EXOC4: variants seen among roughly 807,000 people sequenced by gnomAD.
The protein encoded by EXOC4 is exocyst complex component 4, also known as SEC8-like 1.
EXOC4 carries 71 observed loss-of-function variants against 107.2 expected under a neutral mutation model. The ratio of observed to expected loss-of-function variants is 0.66; its 90% CI spans 0.55 to 0.81. EXOC4 has a LOEUF of 0.81. EXOC4 is among the 30% of genes least tolerant of loss of function. EXOC4 has a pLI of 0.00. For missense variants in EXOC4, 1,108 were observed against 1,189.6 expected, an observed-to-expected ratio of 0.93 and a Z score of 1.01; for synonymous variants, 456 against 441.2, an observed-to-expected ratio of 1.03 and a Z score of -0.42.
rs67720946 is a variant in EXOC4, at chr7:133,941,821, T to TTCTCTC, written c.2206+3777_2206+3782dup. The stretch of plus-strand genomic sequence containing the variant: ...GTCAGGTCCCAGGCATGCTTACAGA[T>TTCTCTC]TCTCTCTCTCTCTCTCTCTCTCTCT... On this transcript the variant is annotated intron_variant, in intron 14 of 17. Coordinates refer to ENST00000253861, the MANE Select transcript of EXOC4 (RefSeq NM_021807.4). Among the ~76,000 whole-genome samples the TTCTCTC allele has an allele frequency of 6.0e-3, 779 of 129,606 alleles. 20 individuals carry two copies. Among genetic ancestry groups the TTCTCTC allele is most frequent in the African/African-American group, 0.013 (458 of 36,108 alleles). The allele number at this position is 129,606 out of a possible 152,430, so 85.0% of individuals were successfully genotyped here.
At chr7:133,276,205 T>G (rs925312076) in intron 2 of EXOC4, among the ~76,000 whole-genome samples, 1 of 152,232 alleles carries the variant, frequency 6.6e-6, no homozygotes, top group African/African-American at 2.4e-5. Flanking sequence ...AAACTCTTGG[T>G]TCTTGGGTCT....
chr7:134,006,105 T>C (rs917749970), intron 16 of EXOC4, among the ~76,000 whole-genome samples: 22 of 152,204 alleles, frequency 1.4e-4, no homozygotes, highest in Admixed American at 1.3e-3. Context: ...TTTTCTGTTA[T>C]TACACCGAGT....
intron 9 of EXOC4, among the ~76,000 whole-genome samples, chr7:133,585,368 C>G (rs906746025): frequency 6.6e-6 from 1 of 152,104 alleles, no homozygotes; most frequent in Non-Finnish European, 1.5e-5. Context: ...ATCTCGGTCC[C>G]TTTTGTGCAC....
intron 3 of EXOC4, among the ~76,000 whole-genome samples, chr7:133,294,964 A>G (rs1005850183): frequency 2.0e-5 from 3 of 152,136 alleles, no homozygotes; most frequent in Non-Finnish European, 4.4e-5. Context: ...GGAGTTAAGA[A>G]TAATATGTAT....
intron 5 of EXOC4, among the ~76,000 whole-genome samples, chr7:133,338,509 C>T (rs1158046488): frequency 1.4e-5 from 2 of 139,510 alleles, no homozygotes; most frequent in Admixed American, 7.8e-5. Flanking sequence ...AGGAGAATGG[C>T]GTGAACCCGG....
At chr7:133,526,812 A>G (rs932476381) in intron 9 of EXOC4, among the ~76,000 whole-genome samples, 1 of 152,042 alleles carries the variant, frequency 6.6e-6, no homozygotes, top group African/African-American at 2.4e-5. Context: ...TCCACTAAAA[A>G]TACAAAAAAA....
At chr7:133,361,090 A>G (rs1411251403) in intron 6 of EXOC4, among the ~76,000 whole-genome samples, 1 of 152,166 alleles carries the variant, frequency 6.6e-6, no homozygotes, top group African/African-American at 2.4e-5. Context: ...AATAAATTCC[A>G]CATTTATGAA....
At chr7:134,015,678 C>T (rs1414084432) in intron 17 of EXOC4, among the ~76,000 whole-genome samples, 1 of 151,870 alleles carries the variant, frequency 6.6e-6, no homozygotes, top group Non-Finnish European at 1.5e-5. Context: ...AGATCGAGAC[C>T]ATCTTGGCCA....
intron 4 of EXOC4, among the ~76,000 whole-genome samples, chr7:133,316,081 TTATCAC>T (rs1462103332): frequency 6.6e-6 from 1 of 152,186 alleles, no homozygotes; most frequent in Non-Finnish European, 1.5e-5. Flanking sequence ...CAGTGTGAAA[TTATCAC>T]TTGAACCCGA....
At chr7:133,498,114 T>A (rs1352973304) in intron 9 of EXOC4, among the ~76,000 whole-genome samples, 1 of 152,080 alleles carries the variant, frequency 6.6e-6, no homozygotes, top group East Asian at 1.9e-4. Flanking sequence ...TGATTCCTCC[T>A]CCCTACCACT....
intron 10 of EXOC4, among the ~76,000 whole-genome samples, chr7:133,803,376 C>A (rs1467508141): frequency 1.3e-5 from 2 of 152,064 alleles, no homozygotes; most frequent in African/African-American, 4.8e-5. Flanking sequence ...AATGTACAAA[C>A]CATTTCTACA....
At chr7:133,439,656 A>G (rs1798061743) in intron 7 of EXOC4, among the ~76,000 whole-genome samples, 1 of 152,208 alleles carries the variant, frequency 6.6e-6, no homozygotes, top group Non-Finnish European at 1.5e-5. Flanking sequence ...CCTTCTGACT[A>G]CTGACACATG....
chr7:133,795,935 A>C (rs1796804609), intron 10 of EXOC4, among the ~76,000 whole-genome samples: 1 of 152,240 alleles, frequency 6.6e-6, no homozygotes, highest in African/African-American at 2.4e-5. Context: ...ACACCTGCTA[A>C]ATCATATTTA....
intron 10 of EXOC4, among the ~76,000 whole-genome samples, chr7:133,712,439 CAAAAAAAAAAAAAAAAAA>C (rs58629398): frequency 3.3e-5 from 1 of 30,196 alleles, no homozygotes; most frequent in African/African-American, 1.4e-4. Context: ...AACTCTGTCT[CAAAAAAAAAAAAAAAAAA>C]AAAAAAAAAA....
At chr7:133,834,401 C>T (rs1417374509) in intron 11 of EXOC4, among the ~76,000 whole-genome samples, 1 of 152,092 alleles carries the variant, frequency 6.6e-6, no homozygotes, top group African/African-American at 2.4e-5. Flanking sequence ...TTTAGCCAAC[C>T]GGGATTAGTT....
intron 17 of EXOC4, among the ~76,000 whole-genome samples, chr7:134,038,404 C>T (rs1795441352): frequency 6.6e-6 from 1 of 152,204 alleles, no homozygotes; most frequent in Admixed American, 6.5e-5. Flanking sequence ...GGCACCTATA[C>T]TTAACATTTA....
intron 13 of EXOC4, among the ~76,000 whole-genome samples, chr7:133,920,763 A>T (rs111356326): frequency 6.6e-6 from 1 of 152,084 alleles, no homozygotes; most frequent in Non-Finnish European, 1.5e-5. Flanking sequence ...TCCTTTCTCA[A>T]TGTAGATCCA....
At chr7:133,264,356 T>A (rs1036196029) in intron 1 of EXOC4, among the ~76,000 whole-genome samples, 17 of 152,164 alleles carry the variant, frequency 1.1e-4, no homozygotes, top group African/African-American at 4.1e-4. Context: ...GCAAAAATTG[T>A]TTACTGTCAC....
At chr7:133,305,671 T>A (rs1794735860) in intron 3 of EXOC4, among the ~76,000 whole-genome samples, 1 of 152,152 alleles carries the variant, frequency 6.6e-6, no homozygotes, top group African/African-American at 2.4e-5. Context: ...TGCTTTCATG[T>A]TTATCTTTGT....
Sources: allele counts gnomAD v4.1 joint callset (sites outside exome capture counted in the v4.1 genomes callset), GRCh38; gene constraint gnomAD v4.1.1; transcripts MANE v1.5; gene names NCBI Gene and HGNC (gene_info 2026-07-23, HGNC 2026-07-21).